The following NEK10 variants were observed in gnomAD, a reference collection of about 807,000 sequenced individuals.
The protein encoded by NEK10 is serine/threonine-protein kinase Nek10.
NEK10 carries 122 observed loss-of-function variants against 159.8 expected under a neutral mutation model. The ratio of observed to expected loss-of-function variants is 0.76; its 90% CI spans 0.66 to 0.89. The LOEUF is 0.89. Among genes scored for constraint, NEK10 ranks in the 40% least tolerant of loss-of-function variants. The pLI is 0.00. For missense variants in NEK10, 1,342 were observed against 1,323.1 expected (o/e 1.01, Z -0.22); for synonymous variants, 466 against 457.1 (o/e 1.02, Z -0.25).
Position 27,304,940 on chromosome 3 carries a change from C to T in NEK10, c.835G>A (p.Ala279Thr), listed in dbSNP as rs1445984966. The T allele has an allele frequency of 5.6e-6, 9 of 1,613,114 alleles. No homozygotes were observed. The highest frequency in any genetic ancestry group is 5.5e-5 in the South Asian group (5 of 91,026). The change falls in exon 12 of 36, where the codon GCA becomes ACA. Residue 279 changes from alanine to threonine, a missense_variant. Ala to Thr is a moderately conservative substitution (Grantham distance 58). Transcript: ENST00000691995. The stretch of plus-strand genomic sequence containing the variant: ...ACCTGCTCTTTCACCTGGGGCTCTG[C>T]ACAAAGTAGGCGCAGCAACTCCGCT... Reference protein sequence around the residue: ...LTAELLRLLCAEPQVKEQVKL... With the variant: ...LTAELLRLLCTEPQVKEQVKL...
chr3:27,280,850 C>T (rs1234333747), intron 22 of NEK10, among the ~76,000 whole-genome samples: 1 of 150,974 alleles, frequency 6.6e-6, no homozygotes, highest in Non-Finnish European at 1.5e-5. Flanking sequence ...TGTATATATG[C>T]TACTGTTTAG....
chr3:27,290,482 A>G (rs2042919921), intron 19 of NEK10, 135 bp downstream of exon 19: 1 of 628,828 alleles, frequency 1.6e-6, no homozygotes. Flanking sequence ...GCTGGCAAAA[A>G]TATCACTGCT....
intron 23 of NEK10, among the ~76,000 whole-genome samples, chr3:27,235,652 C>T (rs1326551444): frequency 6.6e-6 from 1 of 152,126 alleles, no homozygotes; most frequent in East Asian, 1.9e-4. Flanking sequence ...AATGCTTTTA[C>T]ATTGTTGATG....
intron 22 of NEK10, among the ~76,000 whole-genome samples, chr3:27,272,935 A>G (rs1461463881): frequency 6.6e-6 from 1 of 152,136 alleles, no homozygotes; most frequent in East Asian, 1.9e-4. Context: ...CTGCCCCCCA[A>G]CTGCTTCCTA....
intron 1 of NEK10, among the ~76,000 whole-genome samples, chr3:27,353,600 A>C (rs1325782186): frequency 6.6e-6 from 1 of 152,208 alleles, no homozygotes; most frequent in African/African-American, 2.4e-5. Flanking sequence ...TTTGACAAAT[A>C]GTTGGGCTAC....
chr3:27,184,019 T>C (rs1300385537), intron 26 of NEK10, among the ~76,000 whole-genome samples: 2 of 152,170 alleles, frequency 1.3e-5, no homozygotes, highest in African/African-American at 2.4e-5. Flanking sequence ...GAAGAACTAT[T>C]TGGTGCTTTC....
chr3:27,206,126 G>T (rs549351754), intron 23 of NEK10, among the ~76,000 whole-genome samples: 4 of 152,166 alleles, frequency 2.6e-5, no homozygotes, highest in Non-Finnish European at 5.9e-5. Flanking sequence ...ATACCATCAC[G>T]TTGCAGATTA....
intron 3 of NEK10, among the ~76,000 whole-genome samples, chr3:27,348,345 C>A (rs2047714983): frequency 6.6e-6 from 1 of 152,130 alleles, no homozygotes; most frequent in South Asian, 2.1e-4. Flanking sequence ...AGCTTGCAGC[C>A]ATTCCCTTTG....
intron 23 of NEK10, among the ~76,000 whole-genome samples, chr3:27,224,618 G>A (rs1247532164): frequency 6.6e-6 from 1 of 152,144 alleles, no homozygotes; most frequent in Non-Finnish European, 1.5e-5. Context: ...GACAAGCTCA[G>A]TAACAGTACA....
intron 5 of NEK10, among the ~76,000 whole-genome samples, chr3:27,333,740 A>C (rs1287088199): frequency 6.6e-6 from 1 of 151,934 alleles, no homozygotes; most frequent in Non-Finnish European, 1.5e-5. Context: ...GCAAGGCACC[A>C]TTCTAGAGCC....
At chr3:27,311,890 G>A (rs982884736) in intron 8 of NEK10, 30 of 493,348 alleles carry the variant, frequency 6.1e-5, no homozygotes, top group Non-Finnish European at 1.0e-4. Context: ...AATAAATTGT[G>A]CTTTTCAAGG....
chr3:27,148,778 A>C (rs1944546920), intron 30 of NEK10, among the ~76,000 whole-genome samples: 1 of 152,006 alleles, frequency 6.6e-6, no homozygotes, highest in African/African-American at 2.4e-5. Context: ...TTCAACCCTT[A>C]CTTCCTTTAG....
At chr3:27,332,140 TAAAGAGCAGGAGGA>T (rs2046463799) in intron 5 of NEK10, among the ~76,000 whole-genome samples, 1 of 152,168 alleles carries the variant, frequency 6.6e-6, no homozygotes, top group African/African-American at 2.4e-5. Flanking sequence ...AATTTCATAT[TAAAGAGCAGGAGGA>T]AAGATTGAAA....
In NEK10 at chr3:27,256,385, A is replaced by G. The variant is rs745891827; in HGVS notation, c.2015-14T>C. ...GGCCAAAGTCAGCTACAATTCACAA[A>G]ACAACGCAATATGTTACTATATTTT... On this transcript the variant is annotated splice_polypyrimidine_tract_variant and intron_variant, in intron 22 of 35. Transcript: ENST00000691995. 2.6e-6 allele frequency: 4 copies of G among 1,535,682 alleles called. No individual in the cohort carries two copies. The highest frequency in any genetic ancestry group is 3.5e-6 in the Non-Finnish European group (4 of 1,136,518).
At chr3:27,172,250 G>A (rs1461593871) in intron 28 of NEK10, among the ~76,000 whole-genome samples, 3 of 144,436 alleles carry the variant, frequency 2.1e-5, no homozygotes, top group Non-Finnish European at 3.0e-5. Flanking sequence ...CAGGAGAATC[G>A]CTTGAACCCA....
chr3:27,309,412 T>C (rs2044507310), intron 9 of NEK10: 1 of 152,608 alleles, frequency 6.6e-6, no homozygotes, highest in Non-Finnish European at 1.5e-5. Flanking sequence ...GCAGTCAATA[T>C]AAAAGTTTAT....
intron 5 of NEK10, among the ~76,000 whole-genome samples, chr3:27,335,032 G>A (rs533876082): frequency 2.6e-5 from 4 of 152,046 alleles, no homozygotes; most frequent in Non-Finnish European, 4.4e-5. Flanking sequence ...CAAAAACATA[G>A]ATATCTTAAA....
intron 30 of NEK10, among the ~76,000 whole-genome samples, chr3:27,159,829 C>A (rs1468863927): frequency 2.6e-5 from 4 of 151,690 alleles, no homozygotes; most frequent in African/African-American, 9.7e-5. Flanking sequence ...GAGTACCATA[C>A]AGGCAAGATC....
At chr3:27,168,831 T>A (rs781248407) in intron 29 of NEK10, among the ~76,000 whole-genome samples, 2 of 152,214 alleles carry the variant, frequency 1.3e-5, no homozygotes, top group African/African-American at 4.8e-5. Context: ...ACTTTCCATA[T>A]CCATCTGTTG....
Sources: gnomAD v4.1 joint callset for allele counts (sites outside exome capture counted in the v4.1 genomes callset) on GRCh38, gnomAD v4.1.1 for gene constraint, MANE v1.5 for transcripts, NCBI Gene and HGNC (gene_info 2026-07-23, HGNC 2026-07-21) for gene names.